Variants in WDR33 observed in about 807,000 individuals in gnomAD.
WDR33 encodes the protein WD repeat domain 33.
WDR33 carries 47 observed loss-of-function variants against 164.9 expected under a neutral mutation model. The ratio of observed to expected loss-of-function variants is 0.29; its 90% CI spans 0.23 to 0.36. The LOEUF is 0.36. Among genes scored for constraint, WDR33 ranks in the 10% least tolerant of loss-of-function variants. The pLI, the probability that WDR33 is intolerant of heterozygous loss-of-function variation, is 1.00. For missense variants in WDR33, 1,137 were observed against 1,754.1 expected (o/e 0.65, Z 6.28); for synonymous variants, 505 against 589.0 (o/e 0.86, Z 2.06).
chr2:127,764,745 G>T lies in WDR33; in HGVS notation c.626+83C>A. On this transcript the variant is annotated intron_variant, in intron 6 of 21. Transcript: ENST00000322313. The surrounding 1 kb of genome is among the most constrained non-coding windows in gnomAD (Gnocchi z 6.2). Reference sequence around the variant, plus strand: ...TTTCCCAGAAACTGACAGAGCCCATGCATCTCTGCACCCAGAATACACTTA... The same window carrying T: ...TTTCCCAGAAACTGACAGAGCCCATTCATCTCTGCACCCAGAATACACTTA... 1 of 1,614,142 alleles carries T rather than the reference G, an allele frequency of 6.2e-7. No homozygotes were observed. The highest frequency in any genetic ancestry group is 8.5e-7 in the Non-Finnish European group (1 of 1,180,008).
rs777910385 is a variant in WDR33 at position 127,701,554 on chromosome 2, A to G, written c.*4769T>C. On this transcript the variant is annotated 3_prime_UTR_variant, in exon 22 of 22. Coordinates refer to ENST00000322313, the MANE Select transcript of WDR33 (RefSeq NM_018383.5). ...ATGGCGGACCTCCACCGCCAGCTGC[A>G]GGAGTACCTGGCGCAGGGGAAAGCT... is the stretch of plus-strand genomic sequence containing the variant. The G allele has an allele frequency of 2.2e-6, 3 of 1,365,164 alleles. No individual in the cohort carries two copies. Among genetic ancestry groups the G allele is most frequent in the African/African-American group, 1.5e-5 (1 of 66,124 alleles). 84.6% of individuals were successfully genotyped at this position (1,365,164 alleles called of 1,614,324 possible). A position where few individuals can be genotyped will look rare whatever the true frequency, so the allele number is the denominator to read the frequency against.
At chr2:127,793,672 T>G (rs1688920273) in intron 1 of WDR33, among the ~76,000 whole-genome samples, 1 of 151,956 alleles carries the variant, frequency 6.6e-6, no homozygotes. Context: ...ATCCAGGTGT[T>G]TGAGGCTGCA....
Position 127,785,957 on chromosome 2 carries a change from T to A in WDR33, c.-23-14953A>T, listed in dbSNP as rs898827401. 2.0e-5 allele frequency among the ~76,000 whole-genome samples: 3 copies of A among 152,240 alleles called. No individual in the cohort carries two copies. The East Asian group carries it at 5.8e-4, about 29-fold the overall frequency. On this transcript the variant is annotated intron_variant, in intron 1 of 21. Coordinates refer to ENST00000322313, the MANE Select transcript of WDR33 (RefSeq NM_018383.5). The stretch of plus-strand genomic sequence containing the variant: ...CTGGCAAAGTGAGAGTTCTTGCTGC[T>A]CCGTATCGTTGACAGCATTTGGTGT...
At chr2:127,772,291 T>C (rs1688033640) in intron 1 of WDR33, among the ~76,000 whole-genome samples, 1 of 151,964 alleles carries the variant, frequency 6.6e-6, no homozygotes, top group African/African-American at 2.4e-5. Flanking sequence ...ACAAAAAAAT[T>C]AGCTGGGCGT....
chr2:127,771,136 C>A, intron 1 of WDR33, 132 bp from the exon 2 acceptor site: 2 of 716,012 alleles, frequency 2.8e-6, no homozygotes, highest in Non-Finnish European at 2.3e-6. Flanking sequence ...ACACAATGAA[C>A]TACAGTCATG....
intron 1 of WDR33, among the ~76,000 whole-genome samples, chr2:127,787,995 C>T (rs1300644982): frequency 4.5e-5 from 3 of 66,318 alleles, no homozygotes; most frequent in African/African-American, 9.0e-5. Context: ...ACCTCCCGGA[C>T]GGGTTGGCTG....
chr2:127,737,148 G>A (rs763424650), intron 7 of WDR33: 32 of 985,232 alleles, frequency 3.2e-5, no homozygotes, highest in Non-Finnish European at 3.9e-5. Flanking sequence ...AGGCTACTTT[G>A]CAGAGTATTC....
rs1389424093 is a variant in WDR33, at chr2:127,722,371, C to T, written c.1518+220G>A. On this transcript the variant is annotated intron_variant, in intron 14 of 21. Coordinates refer to ENST00000322313, the MANE Select transcript of WDR33 (RefSeq NM_018383.5). The surrounding 1 kb of genome is among the most constrained non-coding windows in gnomAD (Gnocchi z 5.1). ...CTCTTTCTTCTATTTCCTCTCATAG[C>T]ATGGATGATAATAAGCAGGTGAGGA... 6.6e-6 allele frequency among the ~76,000 whole-genome samples: 1 copy of T among 152,198 alleles called. No individual in the cohort carries two copies.
intron 2 of WDR33, 72 bp from the exon 3 acceptor site, chr2:127,769,073 C>A: frequency 1.1e-6 from 1 of 908,492 alleles, no homozygotes; most frequent in Non-Finnish European, 1.4e-6. Flanking sequence ...TGATTATACT[C>A]AATTTGAAAT....
At chr2:127,762,973 G>A (rs6731093) in intron 7 of WDR33, 89 bp downstream of exon 7, 445,496 of 1,585,826 alleles carry the variant, frequency 0.28, 68,360 homozygotes, top group African/African-American at 0.55. Flanking sequence ...TTGAATGGAG[G>A]TGTAAGCCAG....
intron 7 of WDR33, among the ~76,000 whole-genome samples, chr2:127,732,732 C>T (rs1686741611): frequency 2.0e-5 from 3 of 152,134 alleles, no homozygotes; most frequent in African/African-American, 7.2e-5. Flanking sequence ...ACTGACAGCT[C>T]TCAGACGTGG....
At position 127,738,002 on chromosome 2, in the gene WDR33, T is replaced by A; in HGVS notation, c.725-11225A>T. 6.2e-7 allele frequency: 1 copy of A among 1,612,848 alleles called. No individual in the cohort carries two copies. The highest frequency in any genetic ancestry group is 8.5e-7 in the Non-Finnish European group (1 of 1,179,522). ...TCCCTAAACTTTGTCCACCTACTGT[T>A]ATTCACCTCTTGACAGAAAGGAAGT... On this transcript the variant is annotated intron_variant, in intron 7 of 21. Transcript: ENST00000322313. This position sits in a 1 kb window ranked among gnomAD's most constrained non-coding sequence, Gnocchi z 4.4.
Position 127,706,995 on chromosome 2 carries a change from C to G in WDR33, c.3782-443G>C, listed in dbSNP as rs1253971169. Among the ~76,000 whole-genome samples the G allele has an allele frequency of 6.6e-6, 1 of 152,204 alleles. No homozygotes were observed. Among genetic ancestry groups the G allele is most frequent in the African/African-American group, 2.4e-5 (1 of 41,432 alleles). ...TAAAAAGTGCTCCAACTAGGACAAG[C>G]GTTCACTGGGACTGTCCCGTGACAT... On this transcript the variant is annotated intron_variant, in intron 21 of 21. Transcript: ENST00000322313. This position sits in a 1 kb window ranked among gnomAD's most constrained non-coding sequence, Gnocchi z 5.1.
intron 7 of WDR33, among the ~76,000 whole-genome samples, chr2:127,756,759 T>A (rs1175808071): frequency 1.3e-5 from 2 of 152,142 alleles, no homozygotes; most frequent in Non-Finnish European, 2.9e-5. Flanking sequence ...CCTAAATTAA[T>A]AATCATAGGG....
chr2:127,783,015 T>C (rs1446826797), intron 1 of WDR33, among the ~76,000 whole-genome samples: 1 of 151,882 alleles, frequency 6.6e-6, no homozygotes, highest in Non-Finnish European at 1.5e-5. Flanking sequence ...TCTCAAAAAC[T>C]AATAATAATA....
At chr2:127,774,033 G>A (rs1438896306) in intron 1 of WDR33, among the ~76,000 whole-genome samples, 7 of 134,826 alleles carry the variant, frequency 5.2e-5, no homozygotes, top group South Asian at 2.4e-4. Flanking sequence ...GAGCCACCAC[G>A]CCCAGCCCAA....
At chr2:127,779,975 A>ATTTTT (rs1201664053) in intron 1 of WDR33, among the ~76,000 whole-genome samples, 10 of 142,730 alleles carry the variant, frequency 7.0e-5, no homozygotes, top group African/African-American at 2.3e-4. Flanking sequence ...GGTTTTTTTG[A>ATTTTT]TTTTTTTTTT....
chr2:127,766,113 C>G (rs1687812830), intron 4 of WDR33, among the ~76,000 whole-genome samples: 1 of 152,128 alleles, frequency 6.6e-6, no homozygotes, highest in South Asian at 2.1e-4. Context: ...TAAAGGAAAT[C>G]TGTGGCATAT....
At position 127,722,042 on chromosome 2, in the gene WDR33, T is replaced by C. The variant is rs1686454702; in HGVS notation, c.1519-54A>G. On this transcript the variant is annotated intron_variant, in intron 14 of 21. Transcript: ENST00000322313. This position sits in a 1 kb window ranked among gnomAD's most constrained non-coding sequence, Gnocchi z 5.1. Reference sequence around the variant, plus strand: ...ACGCTAAGTATGAAAATTACAATGATAGAATGAGAAAACCACTCTACAATG... The same window carrying C: ...ACGCTAAGTATGAAAATTACAATGACAGAATGAGAAAACCACTCTACAATG... The C allele has an allele frequency of 1.1e-5, 18 of 1,581,792 alleles. No individual in the cohort carries two copies. Among genetic ancestry groups the C allele is most frequent in the African/African-American group, 4.1e-5 (3 of 73,130 alleles).
Sources: allele counts gnomAD v4.1 joint callset (sites outside exome capture counted in the v4.1 genomes callset), GRCh38; gene constraint gnomAD v4.1.1; non-coding constraint Gnocchi (gnomAD v3.1); transcripts MANE v1.5; gene names NCBI Gene and HGNC (gene_info 2026-07-23, HGNC 2026-07-21).